ARHGAP6: variants seen among roughly 807,000 people sequenced by gnomAD.
The protein encoded by ARHGAP6 is Rho GTPase activating protein 6.
In ARHGAP6, 16 loss-of-function variants were observed where a neutral mutation model predicts 55.7. The observed-to-expected ratio is 0.29, with a 90% CI of 0.19 to 0.44. The LOEUF (loss-of-function observed/expected upper bound fraction) is 0.44, where lower values mean the gene tolerates loss of function less well. Ranked by LOEUF, ARHGAP6 falls within the 20% of genes least tolerant of loss-of-function variation. The pLI, the probability that ARHGAP6 is intolerant of heterozygous loss-of-function variation, is 1.00. For missense variants in ARHGAP6, 698 were observed against 808.9 expected, an observed-to-expected ratio of 0.86 and a Z score of 1.66; for synonymous variants, 382 against 360.9, an observed-to-expected ratio of 1.06 and a Z score of -0.66.
intron 1 of ARHGAP6, among the ~76,000 whole-genome samples, chrX:11,428,736 G>A (rs1447696681): frequency 8.9e-6 from 1 of 111,917 alleles, no homozygotes; most frequent in Non-Finnish European, 1.9e-5. Context: ...AAAGTTGGAT[G>A]TGGCCCCGGA....
chrX:11,355,952 A>G (rs2048925375), intron 1 of ARHGAP6, among the ~76,000 whole-genome samples: 1 of 111,483 alleles, frequency 9.0e-6, no homozygotes, highest in Admixed American at 9.6e-5. Flanking sequence ...ATTTTACTCA[A>G]TGCTAGTCCT....
At chrX:11,510,111 C>A (rs1340946586) in intron 1 of ARHGAP6, among the ~76,000 whole-genome samples, 1 of 112,088 alleles carries the variant, frequency 8.9e-6, no homozygotes. Context: ...TACTTTCCTG[C>A]ATGACAGATA....
Position 11,144,480 on chromosome X carries a change from T to C in ARHGAP6, c.1908-232A>G, listed in dbSNP as rs761008522. ...CAACAGATATAACAGGAAAAGGCAATGATGGAGAAGGCACGGTGAGAATGA... is the reference window on the plus strand; with the variant it reads ...CAACAGATATAACAGGAAAAGGCAACGATGGAGAAGGCACGGTGAGAATGA... On this transcript the variant is annotated intron_variant, in intron 10 of 12. Transcript: ENST00000337414. Among the ~76,000 whole-genome samples the C allele has an allele frequency of 3.6e-5, 4 of 112,021 alleles. No individual in the cohort carries two copies. The South Asian group carries it at 1.1e-3, about 31-fold the overall frequency.
At chrX:11,598,244 G>A (rs765973851) in intron 1 of ARHGAP6, among the ~76,000 whole-genome samples, 6 of 112,152 alleles carry the variant, frequency 5.3e-5, no homozygotes, top group African/African-American at 1.9e-4. Context: ...CTCTGGAAGA[G>A]GATGAGTGGG....
intron 1 of ARHGAP6, among the ~76,000 whole-genome samples, chrX:11,411,316 CAAAT>C (rs1211732513): frequency 1.0e-5 from 1 of 99,751 alleles, no homozygotes; most frequent in East Asian, 3.3e-4. Context: ...AATATATAAA[CAAAT>C]GAACATATAT....
At chrX:11,306,961 G>C (rs984340767) in intron 1 of ARHGAP6, among the ~76,000 whole-genome samples, 23 of 111,488 alleles carry the variant, frequency 2.1e-4, no homozygotes, top group Non-Finnish European at 1.7e-4. Flanking sequence ...TATCCCCTAC[G>C]CTAGGACAAC....
chrX:11,446,096 A>T (rs11095548), intron 1 of ARHGAP6, among the ~76,000 whole-genome samples: 3,401 of 111,805 alleles, frequency 0.03, 55 homozygotes, highest in Middle Eastern at 0.087. Context: ...CAATAAACTA[A>T]CTTATTGAAA....
chrX:11,531,009 C>T (rs1040904179), intron 1 of ARHGAP6, among the ~76,000 whole-genome samples: 8 of 112,061 alleles, frequency 7.1e-5, no homozygotes, highest in Admixed American at 2.8e-4. Context: ...TTTTGTATTT[C>T]GACATCCAGC....
intron 1 of ARHGAP6, among the ~76,000 whole-genome samples, chrX:11,571,733 T>TAATAATAAC (rs2147107239): frequency 9.4e-6 from 1 of 106,216 alleles, no homozygotes; most frequent in African/African-American, 3.4e-5. Flanking sequence ...ATAATAATAA[T>TAATAATAAC]AATAATTAGC....
intron 1 of ARHGAP6, among the ~76,000 whole-genome samples, chrX:11,341,235 G>A (rs1376686084): frequency 9.0e-6 from 1 of 111,560 alleles, no homozygotes; most frequent in African/African-American, 3.3e-5. Context: ...CAAAACCCAT[G>A]TCAACCCAGA....
intron 2 of ARHGAP6, among the ~76,000 whole-genome samples, chrX:11,240,978 G>A (rs1354620410): frequency 5.7e-5 from 6 of 106,004 alleles, no homozygotes; most frequent in African/African-American, 2.1e-4. Context: ...CAGGGGGATC[G>A]CCTGAGCCTT....
At chrX:11,291,018 C>T (rs1296527923) in intron 1 of ARHGAP6, among the ~76,000 whole-genome samples, 1 of 111,721 alleles carries the variant, frequency 9.0e-6, no homozygotes, top group South Asian at 3.8e-4. Context: ...GTGAGAACAG[C>T]AAAACGTACT....
intron 1 of ARHGAP6, among the ~76,000 whole-genome samples, chrX:11,582,190 T>C (rs1446874805): frequency 9.0e-6 from 1 of 111,120 alleles, no homozygotes; most frequent in East Asian, 2.8e-4. Flanking sequence ...GTCAACTTGC[T>C]GATGACCAGT....
intron 1 of ARHGAP6, among the ~76,000 whole-genome samples, chrX:11,265,345 GAAGTT>G (rs2047609568): frequency 1.8e-5 from 2 of 112,126 alleles, no homozygotes; most frequent in Admixed American, 9.4e-5. Context: ...CCATATTCAA[GAAGTT>G]AAGAGGGAAA....
intron 1 of ARHGAP6, among the ~76,000 whole-genome samples, chrX:11,300,078 C>T (rs1603042219): frequency 8.9e-6 from 1 of 111,868 alleles, no homozygotes; most frequent in East Asian, 2.8e-4. Flanking sequence ...TAATCGGTGC[C>T]TATCATTGGC....
chrX:11,555,784 T>C (rs1264432800), intron 1 of ARHGAP6, among the ~76,000 whole-genome samples: 1 of 110,615 alleles, frequency 9.0e-6, no homozygotes, highest in African/African-American at 3.3e-5. Flanking sequence ...CAGTGATATT[T>C]GGGGGAAAGC....
At chrX:11,551,472 C>T (rs1297252596) in intron 1 of ARHGAP6, among the ~76,000 whole-genome samples, 1 of 111,195 alleles carries the variant, frequency 9.0e-6, no homozygotes, top group African/African-American at 3.3e-5. Context: ...GTTAATAATG[C>T]TGCAATGAAC....
intron 1 of ARHGAP6, among the ~76,000 whole-genome samples, chrX:11,281,775 T>G (rs757702599): frequency 2.7e-5 from 3 of 111,707 alleles, no homozygotes; most frequent in Non-Finnish European, 5.6e-5. Flanking sequence ...CCTAATGAAT[T>G]TTTATAGTGT....
At chrX:11,411,943 A>C (rs990082676) in intron 1 of ARHGAP6, among the ~76,000 whole-genome samples, 2 of 111,340 alleles carry the variant, frequency 1.8e-5, no homozygotes, top group Admixed American at 9.6e-5. Context: ...GCTCACTGAC[A>C]GTCACTCTCC....
Sources: allele counts gnomAD v4.1 joint callset (sites outside exome capture counted in the v4.1 genomes callset), GRCh38; gene constraint gnomAD v4.1.1; transcripts MANE v1.5; gene names NCBI Gene and HGNC (gene_info 2026-07-23, HGNC 2026-07-21).